Variants in FRYL observed in about 807,000 individuals in gnomAD.
FRYL encodes the protein protein furry homolog-like.
FRYL carries 150 observed loss-of-function variants against 351.2 expected under a neutral mutation model. The ratio of observed to expected loss-of-function variants is 0.43; its 90% CI spans 0.37 to 0.49. The LOEUF is 0.49. FRYL is among the 20% of genes least tolerant of loss of function. FRYL has a pLI of 0.00. For synonymous variants in FRYL, 1,153 were observed against 1,257.1 expected (o/e 0.92, Z 1.75); for missense variants, 3,036 against 3,619.3 (o/e 0.84, Z 4.13).
Position 48,570,909 on chromosome 4 carries a change from G to A in FRYL, c.2914C>T (p.Arg972Trp). 1.9e-6 allele frequency: 3 copies of A among 1,612,182 alleles called. No individual in the cohort carries two copies. Among genetic ancestry groups the A allele is most frequent in the Non-Finnish European group, 1.7e-6 (2 of 1,178,460 alleles). Reference sequence around the variant, plus strand: ...CGTAAAATGTCTCGACGCCTGCGCCGTTTCATATTCTATTCCAAAGATACA... The same window carrying A: ...CGTAAAATGTCTCGACGCCTGCGCCATTTCATATTCTATTCCAAAGATACA... ...ALERRPENMK[R>W]RRRRDILRVQ... is the part of the protein sequence containing the mutation. The change falls in exon 27 of 64, where the codon CGG becomes TGG. Residue 972 changes from arginine to tryptophan, a missense_variant. Around this residue, in one of 7 missense-constraint regions of FRYL, gnomAD observed 492 missense variants for 551.5 expected, o/e 0.89. Coordinates refer to ENST00000358350, the MANE Select transcript of FRYL (RefSeq NM_015030.2).
intron 13 of FRYL, among the ~76,000 whole-genome samples, chr4:48,596,521 G>C (rs1744625390): frequency 6.6e-6 from 1 of 152,040 alleles, no homozygotes; most frequent in Admixed American, 6.6e-5. Flanking sequence ...GAAAAACAGG[G>C]ACTAAATCCA....
chr4:48,700,589 C>T (rs1243462043), intron 2 of FRYL, among the ~76,000 whole-genome samples: 2 of 151,816 alleles, frequency 1.3e-5, no homozygotes, highest in African/African-American at 4.8e-5. Flanking sequence ...ATCACTTGAG[C>T]CCAGGAGTTC....
In FRYL at chr4:48,500,236, C is replaced by T; in HGVS notation, c.8593-16G>A. On this transcript the variant is annotated splice_polypyrimidine_tract_variant and intron_variant, in intron 62 of 63. Coordinates refer to ENST00000358350, the MANE Select transcript of FRYL (RefSeq NM_015030.2). ...TGTTGATGACCTAAAACAAATACAT[C>T]TTTAAGGATCTATTCGTATGTTTGG... 1 of 1,509,064 alleles carries T rather than the reference C, an allele frequency of 6.6e-7. No individual in the cohort carries two copies. 93.5% of individuals were successfully genotyped at this position (1,509,064 alleles called of 1,614,324 possible). A position where few individuals can be genotyped will look rare whatever the true frequency, so the allele number is the denominator to read the frequency against.
At chr4:48,673,933 T>C (rs1473091884) in intron 3 of FRYL, among the ~76,000 whole-genome samples, 2 of 152,226 alleles carry the variant, frequency 1.3e-5, no homozygotes, top group Non-Finnish European at 2.9e-5. Flanking sequence ...ACTTCAGTTA[T>C]TGGTAAAACA....
rs568112046 is a variant in FRYL at position 48,566,654 on chromosome 4, T to C, written c.3169+594A>G. Reference sequence around the variant, plus strand: ...CTGTATATACTATTCAAAATAACAATGTGACTTTAATTTTTCAAAGAGAAA... The same window carrying C: ...CTGTATATACTATTCAAAATAACAACGTGACTTTAATTTTTCAAAGAGAAA... On this transcript the variant is annotated intron_variant, in intron 28 of 63. Coordinates refer to ENST00000358350, the MANE Select transcript of FRYL (RefSeq NM_015030.2). Among the ~76,000 whole-genome samples the C allele has an allele frequency of 7.2e-5, 11 of 152,352 alleles. No individual in the cohort carries two copies. In the South Asian group the frequency reaches 1.5e-3, roughly 20 times the overall value.
chr4:48,687,491 TCG>T (rs1491417411), intron 2 of FRYL, among the ~76,000 whole-genome samples: 1 of 198 alleles, frequency 5.1e-3, no homozygotes, highest in Non-Finnish European at 0.013. Flanking sequence ...GCAAATGAGG[TCG>T]GGGGGGGGGG....
intron 17 of FRYL, 79 bp downstream of exon 17, chr4:48,590,580 C>T (rs1334674982): frequency 1.9e-6 from 2 of 1,065,664 alleles, no homozygotes; most frequent in Admixed American, 2.6e-5. Context: ...AATTTATATA[C>T]ATTTTATATT....
Position 48,543,877 on chromosome 4 carries a change from G to A in FRYL, c.5522C>T (p.Thr1841Ile). The A allele has an allele frequency of 6.2e-7, 1 of 1,613,916 alleles. No homozygotes were observed. Among genetic ancestry groups the A allele is most frequent in the Non-Finnish European group, 8.5e-7 (1 of 1,179,856 alleles). The change falls in exon 44 of 64, where the codon ACT (threonine) becomes ATT (isoleucine). Residue 1841 changes from threonine to isoleucine, a missense_variant. Physicochemically the swap from Thr to Ile is moderately conservative, Grantham distance 89. Coordinates refer to ENST00000358350, the MANE Select transcript of FRYL (RefSeq NM_015030.2). Reference protein sequence around the residue: ...QIFRALKQPLTATTLSDVLSR... With the variant: ...QIFRALKQPLIATTLSDVLSR... ...GAGAACATCAGAAAGTGTAGTTGCAGTGAGAGGCTGCTTTAGGGCCCTGAA... is the reference window on the plus strand; with the variant it reads ...GAGAACATCAGAAAGTGTAGTTGCAATGAGAGGCTGCTTTAGGGCCCTGAA...
At chr4:48,703,847 T>C (rs1263252657) in intron 2 of FRYL, among the ~76,000 whole-genome samples, 4 of 152,118 alleles carry the variant, frequency 2.6e-5, no homozygotes, top group Non-Finnish European at 4.4e-5. Flanking sequence ...TGAAACCCGA[T>C]AGGTACTCAA....
At chr4:48,688,605 A>G (rs1257387756) in intron 2 of FRYL, among the ~76,000 whole-genome samples, 1 of 150,978 alleles carries the variant, frequency 6.6e-6, no homozygotes, top group African/African-American at 2.4e-5. Flanking sequence ...GACAAATGCT[A>G]TAATTTTTAA....
intron 27 of FRYL, among the ~76,000 whole-genome samples, chr4:48,570,081 T>G (rs1171660246): frequency 6.6e-6 from 1 of 152,214 alleles, no homozygotes; most frequent in Admixed American, 6.5e-5. Context: ...CCCAAAATGC[T>G]GGGATTACAG....
At chr4:48,587,875 A>G (rs1165397202) in intron 18 of FRYL, among the ~76,000 whole-genome samples, 1 of 152,152 alleles carries the variant, frequency 6.6e-6, no homozygotes, top group African/African-American at 2.4e-5. Flanking sequence ...CAATGGACTC[A>G]CTACCTAGAG....
intron 55 of FRYL, chr4:48,520,453 C>A (rs187043660): frequency 1.3e-5 from 2 of 152,024 alleles, no homozygotes; most frequent in Non-Finnish European, 2.9e-5. Context: ...AAAAAAAGCA[C>A]ATATGGCAGA....
Position 48,528,974 on chromosome 4 carries a change from C to T in FRYL, c.6904-638G>A, listed in dbSNP as rs903911698. Among the ~76,000 whole-genome samples the T allele has an allele frequency of 4.6e-5, 7 of 152,270 alleles. No homozygotes were observed. The East Asian group carries it at 1.2e-3, about 25-fold the overall frequency. ...AATTCAAGCTCATCTGCATGTCATA[C>T]GAGTCCCTTTATGCTCAACTGATCA... On this transcript the variant is annotated intron_variant, in intron 50 of 63. Coordinates refer to ENST00000358350, the MANE Select transcript of FRYL (RefSeq NM_015030.2).
At chr4:48,706,932 T>C (rs1441861115) in intron 2 of FRYL, among the ~76,000 whole-genome samples, 8 of 152,144 alleles carry the variant, frequency 5.3e-5, no homozygotes, top group African/African-American at 1.7e-4. Context: ...TTACTTGAGT[T>C]GTGGGATGAT....
At chr4:48,594,429 T>C (rs1303399280) in intron 15 of FRYL, among the ~76,000 whole-genome samples, 2 of 152,096 alleles carry the variant, frequency 1.3e-5, no homozygotes, top group African/African-American at 2.4e-5. Context: ...ACTAATTAGA[T>C]TAACTGCTGT....
In FRYL at chr4:48,582,536, T is replaced by C. The variant is rs577418184; in HGVS notation, c.1947A>G (p.Lys649=). Residue 649 remains lysine, a synonymous_variant, in exon 20 of 64, where the codon AAA becomes AAG. Coordinates refer to ENST00000358350, the MANE Select transcript of FRYL (RefSeq NM_015030.2). Reference sequence around the variant, plus strand: ...TTTTATTATGCATTTGGGCTGCTTGTTTCCACTGATTTATTAATTGTACCA... The same window carrying C: ...TTTTATTATGCATTTGGGCTGCTTGCTTCCACTGATTTATTAATTGTACCA... ...KMLVQLINQW[K]QAAQMHNKNQ... is the part of the protein sequence containing the mutation. 1.2e-6 allele frequency: 2 copies of C among 1,614,066 alleles called. No homozygotes were observed. The highest frequency in any genetic ancestry group is 2.2e-5 in the South Asian group (2 of 91,074).
At chr4:48,665,945 T>C (rs929066012) in intron 3 of FRYL, among the ~76,000 whole-genome samples, 1 of 152,220 alleles carries the variant, frequency 6.6e-6, no homozygotes, top group Non-Finnish European at 1.5e-5. Context: ...CCACCTTTGA[T>C]ATCACTCTAG....
chr4:48,753,121 C>T (rs60782913), intron 1 of FRYL, among the ~76,000 whole-genome samples: 4,138 of 152,260 alleles, frequency 0.027, 195 homozygotes, highest in African/African-American at 0.094. Flanking sequence ...AGAAAATCCA[C>T]TGACCTTGCT....
Sources: gnomAD v4.1 joint callset for allele counts (sites outside exome capture counted in the v4.1 genomes callset) on GRCh38, gnomAD v4.1.1 for gene constraint, gnomAD v4.1.1 regional missense constraint, MANE v1.5 for transcripts, NCBI Gene and HGNC (gene_info 2026-07-23, HGNC 2026-07-21) for gene names.